Variants in FAM107B observed in about 807,000 individuals in gnomAD.
FAM107B encodes family with sequence similarity 107 member B.
FAM107B carries 21 observed loss-of-function variants against 31.5 expected under a neutral mutation model. The observed-to-expected ratio is 0.67, with a 90% CI of 0.47 to 0.96. The LOEUF is 0.96. Among genes scored for constraint, FAM107B ranks in the 40% least tolerant of loss-of-function variants. FAM107B has a pLI of 0.00. For missense variants in FAM107B, 452 were observed against 377.1 expected, an observed-to-expected ratio of 1.20 and a Z score of -1.64; for synonymous variants, 157 against 141.5, an observed-to-expected ratio of 1.11 and a Z score of -0.78.
intron 1 of FAM107B, among the ~76,000 whole-genome samples, chr10:14,731,052 G>A (rs561647133): frequency 2.6e-5 from 4 of 152,192 alleles, no homozygotes; most frequent in South Asian, 2.1e-4. Context: ...AGGCACAGGC[G>A]GATATTACAG....
intron 2 of FAM107B, among the ~76,000 whole-genome samples, chr10:14,595,995 G>T (rs774589690): frequency 2.1e-4 from 32 of 152,164 alleles, no homozygotes; most frequent in Non-Finnish European, 1.9e-4. Context: ...ACTCTCCTGT[G>T]GCTTCCTCAT....
At chr10:14,532,785 C>T (rs11259158) in intron 2 of FAM107B, 23,909 of 152,214 alleles carry the variant, frequency 0.16, 2,018 homozygotes, top group Non-Finnish European at 0.18. Context: ...TAAAAGGCTC[C>T]GTATTTCTGC....
Position 14,543,447 on chromosome 10 carries a change from C to T in FAM107B, c.470-12932G>A, listed in dbSNP as rs376821197. 2.0e-4 allele frequency among the ~76,000 whole-genome samples: 30 copies of T among 152,074 alleles called. No homozygotes were observed. The South Asian group carries it at 4.1e-3, about 21-fold the overall frequency. ...AGTCCTGAGCTCGGCCTCCTGAGCTCGGGAGAGAGGCACGGTGGTGTAGGA... is the reference window on the plus strand; with the variant it reads ...AGTCCTGAGCTCGGCCTCCTGAGCTTGGGAGAGAGGCACGGTGGTGTAGGA... On this transcript the variant is annotated intron_variant, in intron 2 of 4. Coordinates refer to ENST00000181796, the MANE Select transcript of FAM107B (RefSeq NM_031453.4).
intron 2 of FAM107B, among the ~76,000 whole-genome samples, chr10:14,636,408 C>G (rs1246447801): frequency 3.9e-5 from 6 of 152,134 alleles, no homozygotes; most frequent in Non-Finnish European, 8.8e-5. Flanking sequence ...CTACATACCT[C>G]TAACTCTTTT....
intron 1 of FAM107B, among the ~76,000 whole-genome samples, chr10:14,773,651 AT>A (rs34402424): frequency 2.0e-5 from 3 of 151,980 alleles, no homozygotes; most frequent in Admixed American, 1.3e-4. Flanking sequence ...CAGTGGCACC[AT>A]TTTTTTTAAA....
At chr10:14,630,641 CTA>C in intron 2 of FAM107B, among the ~76,000 whole-genome samples, 1 of 151,662 alleles carries the variant, frequency 6.6e-6, no homozygotes, top group South Asian at 2.1e-4. Flanking sequence ...CTGGGCGACT[CTA>C]AAATAAAAAT....
intron 2 of FAM107B, among the ~76,000 whole-genome samples, chr10:14,578,887 C>T (rs1851545740): frequency 6.6e-6 from 1 of 152,146 alleles, no homozygotes; most frequent in South Asian, 2.1e-4. Flanking sequence ...ATCACTACCC[C>T]AAGTACTGAT....
rs60903094 is a variant in FAM107B at position 14,530,896 on chromosome 10, C to T, written c.470-381G>A. Among the ~76,000 whole-genome samples the T allele has an allele frequency of 1.5e-3, 229 of 152,290 alleles. 1 individual carries two copies. The highest frequency in any genetic ancestry group is 5.3e-3 in the African/African-American group (220 of 41,572). Reference sequence around the variant, plus strand: ...TTCAAATGAAAATTGGAACACTGGCCCACAATGGCTGCAGTTGGACACATG... The same window carrying T: ...TTCAAATGAAAATTGGAACACTGGCTCACAATGGCTGCAGTTGGACACATG... On this transcript the variant is annotated intron_variant, in intron 2 of 4. Transcript: ENST00000181796.
At chr10:14,695,013 G>A (rs908484517) in intron 1 of FAM107B, among the ~76,000 whole-genome samples, 4 of 151,924 alleles carry the variant, frequency 2.6e-5, no homozygotes, top group Admixed American at 6.6e-5. Flanking sequence ...ATATAGTCCC[G>A]TTTATTTATT....
intron 2 of FAM107B, among the ~76,000 whole-genome samples, chr10:14,622,317 T>C (rs1458373295): frequency 6.6e-6 from 1 of 151,158 alleles, no homozygotes; most frequent in Non-Finnish European, 1.5e-5. Flanking sequence ...GATTTTTTTT[T>C]TTTTTTTTGA....
chr10:14,663,464 T>C (rs1432643159), intron 2 of FAM107B: 1 of 152,228 alleles, frequency 6.6e-6, no homozygotes. Context: ...CTGATGAGAT[T>C]GGGTGCGTTC....
intron 2 of FAM107B, chr10:14,612,687 G>A (rs1055830099): frequency 1.3e-5 from 2 of 152,112 alleles, no homozygotes; most frequent in African/African-American, 2.4e-5. Flanking sequence ...GAAATACAAA[G>A]ATATGATAGA....
intron 1 of FAM107B, among the ~76,000 whole-genome samples, chr10:14,747,335 G>T (rs1832745925): frequency 6.6e-6 from 1 of 152,138 alleles, no homozygotes; most frequent in African/African-American, 2.4e-5. Context: ...CTGTGCTCTT[G>T]TTGGAGATGT....
At chr10:14,532,900 A>G (rs566983990) in intron 2 of FAM107B, among the ~76,000 whole-genome samples, 68 of 152,324 alleles carry the variant, frequency 4.5e-4, no homozygotes, top group Middle Eastern at 3.4e-3. Flanking sequence ...AATGTGACAG[A>G]AGAGCGGGCC....
chr10:14,525,683 T>C (rs1846153642), intron 3 of FAM107B, among the ~76,000 whole-genome samples: 1 of 152,186 alleles, frequency 6.6e-6, no homozygotes, highest in African/African-American at 2.4e-5. Flanking sequence ...CTGACAGACA[T>C]CTATTTGGTT....
chr10:14,731,253 G>C, intron 1 of FAM107B, among the ~76,000 whole-genome samples: 1 of 152,118 alleles, frequency 6.6e-6, no homozygotes, highest in East Asian at 1.9e-4. Context: ...GTCCAGTGAG[G>C]GCGCGGGATT....
chr10:14,675,175 A>C (rs1854652332), intron 1 of FAM107B, among the ~76,000 whole-genome samples: 1 of 152,144 alleles, frequency 6.6e-6, no homozygotes, highest in African/African-American at 2.4e-5. Context: ...ATCATGGGGA[A>C]ACAGGATTAG....
At chr10:14,747,757 G>A (rs1487363624) in intron 1 of FAM107B, among the ~76,000 whole-genome samples, 1 of 152,132 alleles carries the variant, frequency 6.6e-6, no homozygotes, top group Non-Finnish European at 1.5e-5. Flanking sequence ...CCCTGTTGGG[G>A]GTGTCTCACC....
At chr10:14,613,721 C>T (rs878733) in intron 2 of FAM107B, among the ~76,000 whole-genome samples, 55,858 of 152,134 alleles carry the variant, frequency 0.37, 10,754 homozygotes, top group Middle Eastern at 0.41. Context: ...CCCACACAAG[C>T]ATACACTATG....
Sources: allele counts gnomAD v4.1 joint callset (sites outside exome capture counted in the v4.1 genomes callset), GRCh38; gene constraint gnomAD v4.1.1; transcripts MANE v1.5; gene names NCBI Gene and HGNC (gene_info 2026-07-23, HGNC 2026-07-21).